The following PTPRD variants were observed in gnomAD, a reference collection of about 807,000 sequenced individuals.
The protein encoded by PTPRD is protein tyrosine phosphatase receptor type D.
Under a neutral mutation model 214.5 loss-of-function variants are expected in PTPRD, and 34 were observed. The observed-to-expected ratio is 0.16, with a 90% confidence interval of 0.12 to 0.21. The LOEUF (loss-of-function observed/expected upper bound fraction) is 0.21. Ranked by LOEUF, PTPRD falls within the 10% of genes least tolerant of loss-of-function variation. The probability of loss-of-function intolerance (pLI) is 1.00; values close to 1 mark genes in which losing one functional copy is unlikely to be tolerated. For missense variants in PTPRD, 2,545 were observed against 2,398.7 expected, an observed-to-expected ratio of 1.06 and a Z score of -1.27; for synonymous variants, 1,128 against 845.7, an observed-to-expected ratio of 1.33 and a Z score of -5.79.
intron 11 of PTPRD, among the ~76,000 whole-genome samples, chr9:8,785,286 A>G (rs891794504): frequency 6.6e-6 from 1 of 152,264 alleles, no homozygotes; most frequent in Non-Finnish European, 1.5e-5. Context: ...TCATACCGGC[A>G]TAACTATTGA....
At chr9:8,352,099 A>G (rs1314356195) in intron 39 of PTPRD, among the ~76,000 whole-genome samples, 1 of 150,770 alleles carries the variant, frequency 6.6e-6, no homozygotes, top group South Asian at 2.1e-4. Context: ...TTTTTTTCAA[A>G]TATGTAGACT....
intron 11 of PTPRD, among the ~76,000 whole-genome samples, chr9:8,807,164 C>T (rs1261321348): frequency 6.6e-6 from 1 of 152,028 alleles, no homozygotes; most frequent in Non-Finnish European, 1.5e-5. Context: ...CGGTGAAACC[C>T]CGTTTCTAAT....
intron 5 of PTPRD, among the ~76,000 whole-genome samples, chr9:9,883,946 G>A (rs2069779771): frequency 6.6e-6 from 1 of 152,088 alleles, no homozygotes; most frequent in Non-Finnish European, 1.5e-5. Flanking sequence ...TATGCTTTCA[G>A]TGAGTATTTG....
At chr9:9,865,633 G>T (rs1413450202) in intron 5 of PTPRD, among the ~76,000 whole-genome samples, 3 of 152,026 alleles carry the variant, frequency 2.0e-5, no homozygotes, top group Non-Finnish European at 2.9e-5. Context: ...AACAGAAAAT[G>T]GACTAAGACA....
At chr9:9,202,805 G>A (rs1274656698) in intron 9 of PTPRD, among the ~76,000 whole-genome samples, 1 of 152,160 alleles carries the variant, frequency 6.6e-6, no homozygotes, top group African/African-American at 2.4e-5. Flanking sequence ...CTTTGCTCTT[G>A]ATCTTTGAAG....
At chr9:10,313,849 T>C (rs2096342147) in intron 3 of PTPRD, among the ~76,000 whole-genome samples, 1 of 151,826 alleles carries the variant, frequency 6.6e-6, no homozygotes, top group South Asian at 2.1e-4. Flanking sequence ...GATGTATAAA[T>C]GATGCATGGG....
intron 5 of PTPRD, among the ~76,000 whole-genome samples, chr9:9,889,216 T>G (rs2072248043): frequency 6.6e-6 from 1 of 152,074 alleles, no homozygotes; most frequent in Admixed American, 6.6e-5. Flanking sequence ...TGATATATAA[T>G]AGTTAGCAAT....
At chr9:9,343,638 G>A (rs868274914) in intron 9 of PTPRD, among the ~76,000 whole-genome samples, 1 of 151,962 alleles carries the variant, frequency 6.6e-6, no homozygotes, top group Non-Finnish European at 1.5e-5. Context: ...TTTTTCCAGT[G>A]TCAACAAAAT....
chr9:9,613,238 C>T (rs2094636498), intron 7 of PTPRD, among the ~76,000 whole-genome samples: 1 of 138,082 alleles, frequency 7.2e-6, no homozygotes, highest in African/African-American at 2.7e-5. Context: ...CAAATATAAA[C>T]AATTTAAATA....
intron 10 of PTPRD, among the ~76,000 whole-genome samples, chr9:9,024,343 TTTTTGTTTG>T (rs1265427205): frequency 2.2e-4 from 14 of 62,880 alleles, no homozygotes; most frequent in African/African-American, 6.0e-4. Flanking sequence ...TCTTTGTTTT[TTTTTGTTTG>T]TTTTTTTTTT....
intron 5 of PTPRD, among the ~76,000 whole-genome samples, chr9:9,805,475 T>G (rs1379259063): frequency 6.6e-6 from 1 of 152,136 alleles, no homozygotes; most frequent in Non-Finnish European, 1.5e-5. Flanking sequence ...ACCAGCTCAG[T>G]TAAGTGGAAA....
chr9:10,304,251 C>T (rs145733802), intron 3 of PTPRD, among the ~76,000 whole-genome samples: 75 of 152,150 alleles, frequency 4.9e-4, no homozygotes, highest in Non-Finnish European at 6.9e-4. Flanking sequence ...TAGGTACTGA[C>T]GGAATGTATC....
chr9:9,295,911 A>G (rs1050131557), intron 9 of PTPRD, among the ~76,000 whole-genome samples: 4 of 151,792 alleles, frequency 2.6e-5, no homozygotes, highest in African/African-American at 7.2e-5. Flanking sequence ...TTTTTAGCCT[A>G]TTGACAATTA....
At chr9:9,951,697 C>T (rs2093468298) in intron 4 of PTPRD, among the ~76,000 whole-genome samples, 2 of 152,216 alleles carry the variant, frequency 1.3e-5, no homozygotes. Context: ...GGCAAATAAC[C>T]AGGGTGAGGT....
In PTPRD at chr9:10,264,754, T is replaced by A. The variant is rs999840162; in HGVS notation, c.-545+76209A>T. Among the ~76,000 whole-genome samples, 81 of 152,242 alleles carry A rather than the reference T, an allele frequency of 5.3e-4. 1 individual carries two copies. The highest frequency in any genetic ancestry group is 4.4e-3 in the Admixed American group (68 of 15,306). ...AATTTTGAAATCTGAGGACACGAGA[T>A]TTGGGAGGGACCAGGGGCGGAATGA... On this transcript the variant is annotated intron_variant, in intron 3 of 45. Transcript: ENST00000381196.
chr9:10,294,151 G>A (rs1239878780), intron 3 of PTPRD, among the ~76,000 whole-genome samples: 1 of 151,874 alleles, frequency 6.6e-6, no homozygotes, highest in African/African-American at 2.4e-5. Context: ...TATATTGGTT[G>A]TTTCAGTAAA....
At chr9:10,050,745 T>C (rs1261051009) in intron 3 of PTPRD, among the ~76,000 whole-genome samples, 1 of 151,968 alleles carries the variant, frequency 6.6e-6, no homozygotes, top group African/African-American at 2.4e-5. Flanking sequence ...CTCTCCCAAA[T>C]GTATATCCTT....
chr9:9,804,188 C>T (rs2099059218), intron 5 of PTPRD, among the ~76,000 whole-genome samples: 1 of 152,022 alleles, frequency 6.6e-6, no homozygotes, highest in African/African-American at 2.4e-5. Context: ...TCTACATTTC[C>T]TTCAGTCACA....
chr9:8,933,389 A>G (rs2098968076), intron 11 of PTPRD, among the ~76,000 whole-genome samples: 1 of 133,092 alleles, frequency 7.5e-6, no homozygotes, highest in Admixed American at 8.7e-5. Context: ...AGTATAACAT[A>G]CAGATAATAA....
Sources: allele counts gnomAD v4.1 joint callset (sites outside exome capture counted in the v4.1 genomes callset), GRCh38; gene constraint gnomAD v4.1.1; transcripts MANE v1.5; gene names NCBI Gene and HGNC (gene_info 2026-07-23, HGNC 2026-07-21).